The following AKR1C3 variants were observed in gnomAD, a reference collection of about 807,000 sequenced individuals.
AKR1C3 encodes the protein aldo-keto reductase family 1 member C3.
In AKR1C3, 48 loss-of-function variants were observed where a neutral mutation model predicts 43.6. That is an observed-to-expected ratio of 1.10 (90% CI 0.87 to 1.40). The LOEUF (loss-of-function observed/expected upper bound fraction) is 1.40, where lower values mean the gene tolerates loss of function less well. Ranked by LOEUF, AKR1C3 falls within the 40% of genes most tolerant of loss-of-function variation. The probability of loss-of-function intolerance (pLI) is 0.00; values close to 1 mark genes in which losing one functional copy is unlikely to be tolerated. For missense variants in AKR1C3, 482 were observed against 391.2 expected, an observed-to-expected ratio of 1.23 and a Z score of -1.96; for synonymous variants, 162 against 139.6, an observed-to-expected ratio of 1.16 and a Z score of -1.13.
chr10:5,095,073 A>G (rs1023694332), intron 1 of AKR1C3, among the ~76,000 whole-genome samples: 1 of 150,142 alleles, frequency 6.7e-6, no homozygotes, highest in Non-Finnish European at 1.5e-5. Flanking sequence ...CCTGAAAGAA[A>G]AAAATACCAC....
chr10:5,049,630 A>G (rs1174483197), intron 1 of AKR1C3, among the ~76,000 whole-genome samples: 1 of 152,224 alleles, frequency 6.6e-6, no homozygotes, highest in Non-Finnish European at 1.5e-5. Context: ...CTATTTCTAC[A>G]CTGGAAGAAA....
intron 1 of AKR1C3, among the ~76,000 whole-genome samples, chr10:5,059,499 G>T (rs1000908564): frequency 6.6e-6 from 1 of 152,106 alleles, no homozygotes; most frequent in Non-Finnish European, 1.5e-5. Flanking sequence ...TTGACCCTTG[G>T]CTCAGCCCAG....
At chr10:5,052,756 C>A (rs1338827202) in intron 1 of AKR1C3, among the ~76,000 whole-genome samples, 3 of 151,960 alleles carry the variant, frequency 2.0e-5, no homozygotes, top group Admixed American at 2.0e-4. Flanking sequence ...AGTGTGGACA[C>A]AAAGGTTCTC....
Position 5,102,503 on chromosome 10 carries a change from G to T in AKR1C3, c.699G>T (p.Pro233=), listed in dbSNP as rs781827944. ...RDKRWVDPNS[P]VLLEDPVLCA... ...CTTCCAGGGTGGACCCGAACTCCCCGGTGCTCTTGGAGGACCCAGTCCTTT... is the reference window on the plus strand; with the variant it reads ...CTTCCAGGGTGGACCCGAACTCCCCTGTGCTCTTGGAGGACCCAGTCCTTT... Residue 233 remains proline, a synonymous_variant, in exon 7 of 9, where the codon CCG becomes CCT. Coordinates refer to ENST00000380554, the MANE Select transcript of AKR1C3 (RefSeq NM_003739.6). The T allele has an allele frequency of 1.7e-5, 27 of 1,562,522 alleles. No individual in the cohort carries two copies. Among genetic ancestry groups the T allele is most frequent in the Non-Finnish European group, 2.2e-5 (26 of 1,156,592 alleles).
intron 5 of AKR1C3, chr10:5,099,762 AC>A: frequency 2.9e-6 from 1 of 345,096 alleles, no homozygotes; most frequent in South Asian, 3.7e-5. Context: ...ATGAAAGATG[AC>A]CAGAAAGTGC....
At chr10:5,054,020 G>C (rs1397259995) in intron 1 of AKR1C3, among the ~76,000 whole-genome samples, 1 of 152,222 alleles carries the variant, frequency 6.6e-6, no homozygotes, top group Non-Finnish European at 1.5e-5. Context: ...CAACTCCAGA[G>C]GTTGGTATAA....
chr10:5,102,363 T>G (rs2131847565), intron 6 of AKR1C3, 122 bp from the exon 7 acceptor site: 1 of 1,587,184 alleles, frequency 6.3e-7, no homozygotes, highest in Non-Finnish European at 8.6e-7. Flanking sequence ...ATGCTGATGG[T>G]GATGCTCGGG....
upstream of AKR1C3, among the ~76,000 whole-genome samples, chr10:5,090,392 A>G (rs1554783991): frequency 1.3e-5 from 2 of 152,092 alleles, no homozygotes; most frequent in African/African-American, 4.8e-5. Context: ...TCCCTAATAC[A>G]TCCCTGTCTT....
intron 1 of AKR1C3, among the ~76,000 whole-genome samples, chr10:5,050,522 A>G (rs560898576): frequency 6.6e-6 from 1 of 151,360 alleles, no homozygotes; most frequent in Admixed American, 6.6e-5. Context: ...AACAAGTAAT[A>G]GAGATGATGA....
At chr10:5,079,696 T>A (rs1450868977) in intron 1 of AKR1C3, among the ~76,000 whole-genome samples, 1 of 151,928 alleles carries the variant, frequency 6.6e-6, no homozygotes, top group South Asian at 2.1e-4. Flanking sequence ...CCTCTCTCTC[T>A]CCCCCATTAC....
intron 1 of AKR1C3, among the ~76,000 whole-genome samples, chr10:5,083,940 G>A (rs1183727267): frequency 2.0e-5 from 3 of 152,106 alleles, no homozygotes; most frequent in African/African-American, 7.2e-5. Context: ...TTTTTTCCCT[G>A]TAAATTTGTT....
intron 3 of AKR1C3, 185 bp downstream of exon 3, chr10:5,097,735 C>A: frequency 2.1e-6 from 3 of 1,397,518 alleles, no homozygotes; most frequent in East Asian, 3.0e-5. Flanking sequence ...CTCTAATGCA[C>A]ACCTACAAGA....
intron 8 of AKR1C3, among the ~76,000 whole-genome samples, chr10:5,106,256 A>G (rs1212064735): frequency 1.3e-5 from 2 of 152,158 alleles, no homozygotes; most frequent in African/African-American, 4.8e-5. Context: ...TGGAGTGAAT[A>G]GGAGCGCTTG....
intron 1 of AKR1C3, among the ~76,000 whole-genome samples, chr10:5,071,826 T>C (rs1279425978): frequency 3.9e-5 from 6 of 152,236 alleles, no homozygotes; most frequent in Non-Finnish European, 7.3e-5. Flanking sequence ...AGCCCCTTCC[T>C]ACTTTTTGTA....
intron 7 of AKR1C3, among the ~76,000 whole-genome samples, chr10:5,104,955 C>G (rs587764971): frequency 6.6e-6 from 1 of 152,126 alleles, no homozygotes; most frequent in African/African-American, 2.4e-5. Context: ...CTCTCTCTCT[C>G]ATTCTCTGTA....
intron 8 of AKR1C3, among the ~76,000 whole-genome samples, chr10:5,106,914 A>T (rs373762373): frequency 7.0e-6 from 1 of 143,582 alleles, no homozygotes; most frequent in Non-Finnish European, 1.5e-5. Context: ...CAAGGAAAAT[A>T]AATAAAAAAA....
chr10:5,107,393 G>T, intron 8 of AKR1C3, 68 bp from the exon 9 acceptor site: 2 of 1,151,890 alleles, frequency 1.7e-6, no homozygotes, highest in South Asian at 1.3e-5. Context: ...CAGCTTCATT[G>T]AAATCACTTT....
chr10:5,098,690 C>G, intron 3 of AKR1C3, 112 bp from the exon 4 acceptor site: 1 of 802,114 alleles, frequency 1.2e-6, no homozygotes, highest in East Asian at 2.6e-5. Context: ...CTTTCTGGAG[C>G]ATTGTACCAC....
chr10:5,063,764 GCAAAAAAAA>G (rs1490391453), intron 1 of AKR1C3, among the ~76,000 whole-genome samples: 2 of 33,446 alleles, frequency 6.0e-5, no homozygotes, highest in Non-Finnish European at 1.1e-4. Flanking sequence ...CTCTGTCTCA[GCAAAAAAAA>G]AAAAAAAAAA....
Sources: gnomAD v4.1 joint callset for allele counts (sites outside exome capture counted in the v4.1 genomes callset) on GRCh38, gnomAD v4.1.1 for gene constraint, MANE v1.5 for transcripts, NCBI Gene and HGNC (gene_info 2026-07-23, HGNC 2026-07-21) for gene names.